Variants in CREB3L1 observed in about 807,000 individuals in gnomAD.
CREB3L1 encodes cyclic AMP-responsive element-binding protein 3-like protein 1.
Under a neutral mutation model 54.5 loss-of-function variants are expected in CREB3L1, and 33 were observed. That is an observed-to-expected ratio of 0.61 (90% CI 0.46 to 0.81). The LOEUF is 0.81. CREB3L1 is among the 30% of genes least tolerant of loss of function. The probability of loss-of-function intolerance (pLI) is 0.00; values close to 1 mark genes in which losing one functional copy is unlikely to be tolerated. For missense variants in CREB3L1, 656 were observed against 673.3 expected (o/e 0.97, Z 0.29); for synonymous variants, 284 against 286.4 (o/e 0.99, Z 0.08).
At chr11:46,294,927 T>C (rs944724326) in intron 1 of CREB3L1, among the ~76,000 whole-genome samples, 1 of 152,032 alleles carries the variant, frequency 6.6e-6, no homozygotes, top group South Asian at 2.1e-4. Flanking sequence ...CTCCCATCTC[T>C]CCCTAGCTCT....
intron 1 of CREB3L1, among the ~76,000 whole-genome samples, chr11:46,285,353 T>A (rs1939040737): frequency 6.6e-6 from 1 of 152,082 alleles, no homozygotes; most frequent in Non-Finnish European, 1.5e-5. Flanking sequence ...AAGTCAAGAC[T>A]GTGAGCTGGA....
At chr11:46,284,388 T>C (rs1220276599) in intron 1 of CREB3L1, among the ~76,000 whole-genome samples, 2 of 152,176 alleles carry the variant, frequency 1.3e-5, no homozygotes, top group Non-Finnish European at 2.9e-5. Context: ...TGGTAGCTCA[T>C]GCCCATAATA....
intron 1 of CREB3L1, among the ~76,000 whole-genome samples, chr11:46,289,417 A>G (rs1014929119): frequency 6.6e-6 from 1 of 152,168 alleles, no homozygotes; most frequent in Non-Finnish European, 1.5e-5. Context: ...GATCTACCCG[A>G]AAGAAGGGTA....
At chr11:46,317,599 A>G (rs528973278) in intron 10 of CREB3L1, 112 bp downstream of exon 10, 3 of 1,364,334 alleles carry the variant, frequency 2.2e-6, no homozygotes, top group African/African-American at 2.9e-5. Flanking sequence ...GGTCAGCATT[A>G]TCTCATTTTG....
Position 46,312,686 on chromosome 11 carries a change from G to A in CREB3L1, c.962+16G>A, listed in dbSNP as rs1323823044. ...TAGAAAAGAAGTAAGGGGCTTGGGA[G>A]GGGTGGGCAATCCACTCCCTTGCCT... On this transcript the variant is annotated intron_variant, in intron 7 of 11. Coordinates refer to ENST00000621158, the MANE Select transcript of CREB3L1 (RefSeq NM_052854.4). 1.2e-6 allele frequency: 2 copies of A among 1,602,588 alleles called. No individual in the cohort carries two copies. Among genetic ancestry groups the A allele is most frequent in the Non-Finnish European group, 1.7e-6 (2 of 1,174,470 alleles).
At chr11:46,281,079 G>A (rs1483785323) in intron 1 of CREB3L1, among the ~76,000 whole-genome samples, 1 of 152,122 alleles carries the variant, frequency 6.6e-6, no homozygotes, top group African/African-American at 2.4e-5. Context: ...GAGGTGGCTG[G>A]GCTGCCTTAT....
At chr11:46,319,489 A>G (rs149329349) in intron 10 of CREB3L1, among the ~76,000 whole-genome samples, 5 of 152,330 alleles carry the variant, frequency 3.3e-5, no homozygotes, top group African/African-American at 1.2e-4. Flanking sequence ...TGCCTAACAA[A>G]TGATGGGTGT....
intron 8 of CREB3L1, among the ~76,000 whole-genome samples, chr11:46,314,030 A>C (rs1199817568): frequency 6.6e-6 from 1 of 152,158 alleles, no homozygotes; most frequent in African/African-American, 2.4e-5. Context: ...TGAGGCCAAG[A>C]GTTCGAGACC....
At position 46,320,508 on chromosome 11, in the gene CREB3L1, C is replaced by T. The variant is rs775894401; in HGVS notation, c.1503C>T (p.Ser501=). 1.3e-6 allele frequency: 2 copies of T among 1,555,406 alleles called. No homozygotes were observed. The highest frequency in any genetic ancestry group is 2.3e-5 in the South Asian group (2 of 85,792). ...GNGTSPDFSH[S]KEWFHDRDLG... ...GCACCAGCCCCGACTTCTCCCACTC[C>T]AAGGAGTGGTTCCACGACAGGTGGG... The change falls in exon 11 of 12, where the codon TCC becomes TCT. Residue 501 remains serine, a synonymous_variant. Coordinates refer to ENST00000621158, the MANE Select transcript of CREB3L1 (RefSeq NM_052854.4).
chr11:46,302,536 G>A (rs1291558548), intron 2 of CREB3L1, among the ~76,000 whole-genome samples: 3 of 152,168 alleles, frequency 2.0e-5, no homozygotes, highest in African/African-American at 4.8e-5. Flanking sequence ...GTAATCCTTA[G>A]TATCTATATC....
Position 46,277,685 on chromosome 11 carries a change from T to G in CREB3L1, c.-427T>G. 1 of 197,640 alleles carries G rather than the reference T, an allele frequency of 5.1e-6. No homozygotes were observed. Among genetic ancestry groups the G allele is most frequent in the Non-Finnish European group, 1.0e-5 (1 of 95,828 alleles). 12.2% of individuals were successfully genotyped at this position (197,640 alleles called of 1,614,324 possible). A position where few individuals can be genotyped will look rare whatever the true frequency, so the allele number is the denominator to read the frequency against. ...ACAGAGAGGAAAGTGACAGAAGACG[T>G]GCGGAGGGAGACGCAGAGACAGAGG... On this transcript the variant is annotated 5_prime_UTR_variant, in exon 1 of 12. Transcript: ENST00000621158.
At position 46,293,692 on chromosome 11, in the gene CREB3L1, C is replaced by G. The variant is rs1461701072; in HGVS notation, c.103-6243C>G. ...TCAGTGTCCCAGCCCCATGCAAGCC[C>G]GGGGCTCCCAAATCTCCCTCACTGG... On this transcript the variant is annotated intron_variant, in intron 1 of 11. Coordinates refer to ENST00000621158, the MANE Select transcript of CREB3L1 (RefSeq NM_052854.4). Among the ~76,000 whole-genome samples, 7 of 152,330 alleles carry G rather than the reference C, an allele frequency of 4.6e-5. No homozygotes were observed. In the East Asian group the frequency reaches 1.2e-3, roughly 25 times the overall value.
intron 2 of CREB3L1, among the ~76,000 whole-genome samples, chr11:46,303,767 G>A (rs915372754): frequency 3.9e-5 from 6 of 152,138 alleles, no homozygotes; most frequent in Non-Finnish European, 5.9e-5. Context: ...TTGGGAGGCC[G>A]AGGCAGGAGG....
intron 5 of CREB3L1, among the ~76,000 whole-genome samples, chr11:46,311,873 T>C (rs1939491428): frequency 6.6e-6 from 1 of 152,200 alleles, no homozygotes; most frequent in African/African-American, 2.4e-5. Context: ...TTGACATTCC[T>C]GACCTCCAGG....
chr11:46,289,662 G>T (rs901490916), intron 1 of CREB3L1, among the ~76,000 whole-genome samples: 1 of 152,170 alleles, frequency 6.6e-6, no homozygotes, highest in Non-Finnish European at 1.5e-5. Flanking sequence ...ACCAGGAGAG[G>T]TATAAGCAAA....
At position 46,295,631 on chromosome 11, in the gene CREB3L1, CCACGCCGCCACCGGCTGCTG is replaced by C. The variant is rs1454580253; in HGVS notation, c.103-4302_103-4283del. Among the ~76,000 whole-genome samples the C allele has an allele frequency of 1.3e-5, 2 of 152,236 alleles. No homozygotes were observed. The highest frequency in any genetic ancestry group is 2.9e-5 in the Non-Finnish European group (2 of 68,040). On this transcript the variant is annotated intron_variant, in intron 1 of 11. Coordinates refer to ENST00000621158, the MANE Select transcript of CREB3L1 (RefSeq NM_052854.4). The surrounding 1 kb of genome is among the most constrained non-coding windows in gnomAD (Gnocchi z 4.6). ...GAGCCCTGCACTCCTCCGGTGCCCT[CCACGCCGCCACCGGCTGCTG>C]CTCGCAGCCTCCCGCCATTGGCCAG... is the stretch of plus-strand genomic sequence containing the variant.
intron 9 of CREB3L1, 100 bp from the exon 10 acceptor site, chr11:46,317,259 TAA>T (rs1373277170): frequency 5.1e-5 from 76 of 1,495,898 alleles, no homozygotes; most frequent in Non-Finnish European, 6.8e-5. Context: ...GGGAAAACGC[TAA>T]GACTTTTGTG....
chr11:46,319,716 T>C (rs1038976249), intron 10 of CREB3L1, among the ~76,000 whole-genome samples: 2 of 151,908 alleles, frequency 1.3e-5, no homozygotes, highest in Non-Finnish European at 2.9e-5. Flanking sequence ...CCGTCTCTAC[T>C]AAAAATACAA....
At chr11:46,317,624 T>A in intron 10 of CREB3L1, 137 bp downstream of exon 10, 1 of 1,119,308 alleles carries the variant, frequency 8.9e-7, no homozygotes, top group Non-Finnish European at 1.2e-6. Flanking sequence ...ATTTTCCAGA[T>A]GGGGAAACCG....
Sources: gnomAD v4.1 joint callset for allele counts (sites outside exome capture counted in the v4.1 genomes callset) on GRCh38, gnomAD v4.1.1 for gene constraint, Gnocchi (gnomAD v3.1) non-coding constraint, MANE v1.5 for transcripts, NCBI Gene and HGNC (gene_info 2026-07-23, HGNC 2026-07-21) for gene names.